The following TFCP2 variants were observed in gnomAD, a reference collection of about 807,000 sequenced individuals.
TFCP2 encodes the protein transcription factor CP2, also known as alpha-globin transcription factor CP2.
Under a neutral mutation model 73.4 loss-of-function variants are expected in TFCP2, and 33 were observed. The ratio of observed to expected loss-of-function variants is 0.45; its 90% confidence interval spans 0.34 to 0.60. TFCP2 has a LOEUF of 0.60. Ranked by LOEUF, TFCP2 falls within the 20% of genes least tolerant of loss-of-function variation. The pLI is 0.01. For synonymous variants in TFCP2, 193 were observed against 211.6 expected (o/e 0.91, Z 0.76); for missense variants, 352 against 604.0 (o/e 0.58, Z 4.37).
intron 1 of TFCP2, among the ~76,000 whole-genome samples, chr12:51,169,547 CATGAAAAAAAGG>C (rs1941819760): frequency 1.3e-5 from 2 of 150,830 alleles, no homozygotes; most frequent in East Asian, 1.9e-4. Flanking sequence ...GTACCTAACA[CATGAAAAAAAGG>C]ATGAAAAAAA....
chr12:51,123,991 G>A (rs1370448577), intron 1 of TFCP2, among the ~76,000 whole-genome samples: 2 of 152,146 alleles, frequency 1.3e-5, no homozygotes, highest in Non-Finnish European at 2.9e-5. Context: ...TCCCAAACAG[G>A]ACAGTTTAAA....
At chr12:51,111,212 C>T (rs1303955387) in intron 4 of TFCP2, among the ~76,000 whole-genome samples, 3 of 151,956 alleles carry the variant, frequency 2.0e-5, no homozygotes, top group African/African-American at 4.8e-5. Context: ...GGCACCATCT[C>T]AGCTCACTGC....
At chr12:51,114,201 G>A (rs1940462704) in intron 4 of TFCP2, among the ~76,000 whole-genome samples, 1 of 152,090 alleles carries the variant, frequency 6.6e-6, no homozygotes, top group African/African-American at 2.4e-5. Flanking sequence ...CTGCTATGGG[G>A]TTAATATCCA....
At chr12:51,139,256 G>A (rs1160322896) in intron 1 of TFCP2, among the ~76,000 whole-genome samples, 7 of 152,048 alleles carry the variant, frequency 4.6e-5, no homozygotes, top group Admixed American at 2.6e-4. Context: ...GTTTCCCAAC[G>A]CAATCATGAT....
At chr12:51,114,349 T>C (rs950713636) in intron 4 of TFCP2, among the ~76,000 whole-genome samples, 2 of 152,210 alleles carry the variant, frequency 1.3e-5, no homozygotes, top group Admixed American at 6.5e-5. Flanking sequence ...CTCACACCTG[T>C]AATCCCAGCG....
intron 1 of TFCP2, among the ~76,000 whole-genome samples, chr12:51,163,587 C>T (rs955490408): frequency 6.6e-6 from 1 of 151,560 alleles, no homozygotes; most frequent in East Asian, 1.9e-4. Flanking sequence ...GAGACTCTGT[C>T]TCAAAAAATA....
chr12:51,169,058 T>G (rs1289621111), intron 1 of TFCP2, among the ~76,000 whole-genome samples: 1 of 151,772 alleles, frequency 6.6e-6, no homozygotes, highest in African/African-American at 2.4e-5. Flanking sequence ...CACCTCAGTC[T>G]CCCAAAGTGT....
intron 13 of TFCP2, among the ~76,000 whole-genome samples, chr12:51,097,492 C>T (rs1939992870): frequency 6.7e-6 from 1 of 149,316 alleles, no homozygotes; most frequent in Non-Finnish European, 1.5e-5. Flanking sequence ...GTGATCCACC[C>T]GTCTCAGCCT....
At position 51,109,184 on chromosome 12, in the gene TFCP2, C is replaced by G. The variant is rs1168478448; in HGVS notation, c.654G>C (p.Glu218Asp). 1 of 1,614,196 alleles carries G rather than the reference C, an allele frequency of 6.2e-7. No individual in the cohort carries two copies. Among genetic ancestry groups the G allele is most frequent in the East Asian group, 2.2e-5 (1 of 44,882 alleles). Reference sequence around the variant, plus strand: ...GCTCAGTATATTCCCCGTTTTCATTCTCCTTGAAGGTATCTATTTGTACTC... The same window carrying G: ...GCTCAGTATATTCCCCGTTTTCATTGTCCTTGAAGGTATCTATTTGTACTC... ...PFRVQIDTFKENENGEYTEHL... is the reference protein window; with the variant it reads ...PFRVQIDTFKDNENGEYTEHL... Residue 218 changes from glutamate to aspartate, a missense_variant, in exon 6 of 15, where the codon GAG becomes GAC. Glu to Asp is a conservative substitution (Grantham distance 45, BLOSUM62 2). This residue lies in a region of TFCP2 where 47 missense variants were observed against 89.1 expected (regional missense o/e 0.53). Coordinates refer to ENST00000257915, the MANE Select transcript of TFCP2 (RefSeq NM_005653.5).
chr12:51,138,403 C>A (rs1187820759), intron 1 of TFCP2, among the ~76,000 whole-genome samples: 1 of 152,034 alleles, frequency 6.6e-6, no homozygotes, highest in Admixed American at 6.6e-5. Flanking sequence ...GTGATCCAAC[C>A]GCCTCGGCCT....
At chr12:51,135,967 C>G (rs1941051635) in intron 1 of TFCP2, among the ~76,000 whole-genome samples, 1 of 151,974 alleles carries the variant, frequency 6.6e-6, no homozygotes, top group Admixed American at 6.6e-5. Flanking sequence ...TTGCTATGTT[C>G]TAGGCCCTGT....
intron 4 of TFCP2, among the ~76,000 whole-genome samples, chr12:51,114,840 G>A (rs1175608227): frequency 6.6e-6 from 1 of 151,572 alleles, no homozygotes; most frequent in African/African-American, 2.4e-5. Flanking sequence ...GAGGCGGGCA[G>A]ATCAAGAGGT....
chr12:51,108,039 C>T (rs976017956), intron 6 of TFCP2, among the ~76,000 whole-genome samples: 3 of 151,716 alleles, frequency 2.0e-5, no homozygotes, highest in African/African-American at 7.3e-5. Context: ...AATCCCAGCA[C>T]TTTGGGAGGC....
intron 7 of TFCP2, 152 bp from the exon 8 acceptor site, chr12:51,106,765 C>T: frequency 1.6e-6 from 1 of 641,016 alleles, no homozygotes; most frequent in Non-Finnish European, 2.7e-6. Context: ...TCTCTTTCCG[C>T]CATCTTGGAG....
chr12:51,144,866 AG>A (rs963136312), intron 1 of TFCP2, among the ~76,000 whole-genome samples: 1 of 152,140 alleles, frequency 6.6e-6, no homozygotes, highest in African/African-American at 2.4e-5. Flanking sequence ...GTTTGAGACC[AG>A]CCTGGCCAAC....
chr12:51,166,243 A>G (rs1175583930), intron 1 of TFCP2, among the ~76,000 whole-genome samples: 1 of 150,274 alleles, frequency 6.7e-6, no homozygotes, highest in Non-Finnish European at 1.5e-5. Context: ...TGAAGCTGGG[A>G]GGCAGTTGCA....
intron 1 of TFCP2, among the ~76,000 whole-genome samples, chr12:51,146,416 T>C (rs1367775748): frequency 6.6e-6 from 1 of 151,668 alleles, no homozygotes; most frequent in Non-Finnish European, 1.5e-5. Flanking sequence ...ACTTACTTCT[T>C]AGGAGAAAAC....
intron 1 of TFCP2, among the ~76,000 whole-genome samples, chr12:51,121,513 T>C (rs1418621143): frequency 6.7e-6 from 1 of 148,632 alleles, no homozygotes; most frequent in Non-Finnish European, 1.5e-5. Context: ...TCTCCCAGGC[T>C]TGAGTGCAGT....
chr12:51,142,191 A>G (rs1156296755), intron 1 of TFCP2, among the ~76,000 whole-genome samples: 2 of 122,940 alleles, frequency 1.6e-5, no homozygotes, highest in East Asian at 5.2e-4. Context: ...GTGACAGAGC[A>G]AGACTCTGTC....
Sources: allele counts gnomAD v4.1 joint callset (sites outside exome capture counted in the v4.1 genomes callset), GRCh38; gene constraint gnomAD v4.1.1; regional missense constraint gnomAD v4.1.1; transcripts MANE v1.5; gene names NCBI Gene and HGNC (gene_info 2026-07-23, HGNC 2026-07-21).